PIK3C2A: variants seen among roughly 807,000 people sequenced by gnomAD.
PIK3C2A encodes phosphatidylinositol-4-phosphate 3-kinase catalytic subunit type 2 alpha.
A neutral mutation model predicts 204.5 loss-of-function variants in PIK3C2A; 97 were observed. The ratio of observed to expected loss-of-function variants is 0.47; its 90% CI spans 0.40 to 0.56. The LOEUF (loss-of-function observed/expected upper bound fraction) is 0.56. Ranked by LOEUF, PIK3C2A falls within the 20% of genes least tolerant of loss-of-function variation. PIK3C2A has a pLI of 0.00. For synonymous variants in PIK3C2A, 653 were observed against 664.4 expected, an observed-to-expected ratio of 0.98 and a Z score of 0.26; for missense variants, 1,735 against 1,969.2, an observed-to-expected ratio of 0.88 and a Z score of 2.25.
intron 1 of PIK3C2A, among the ~76,000 whole-genome samples, chr11:17,192,911 G>A (rs1851990295): frequency 1.3e-5 from 2 of 152,276 alleles, no homozygotes; most frequent in African/African-American, 4.8e-5. Context: ...CATTGTGATA[G>A]TATTAAGAGG....
intron 1 of PIK3C2A, chr11:17,194,447 T>C (rs935743397): frequency 6.1e-6 from 1 of 164,498 alleles, no homozygotes; most frequent in African/African-American, 2.4e-5. Flanking sequence ...AATTGCTAAA[T>C]ACAGGCATCA....
intron 9 of PIK3C2A, among the ~76,000 whole-genome samples, chr11:17,135,677 A>G (rs191543133): frequency 2.0e-5 from 3 of 147,392 alleles, no homozygotes; most frequent in African/African-American, 5.0e-5. Context: ...AATTTCATAT[A>G]TGTGTGTGTG....
intron 13 of PIK3C2A, among the ~76,000 whole-genome samples, chr11:17,124,199 T>TC (rs1849448692): frequency 6.6e-6 from 1 of 152,066 alleles, no homozygotes; most frequent in South Asian, 2.1e-4. Context: ...CACCCTTACT[T>TC]CCAACTAGAC....
intron 22 of PIK3C2A, among the ~76,000 whole-genome samples, chr11:17,106,151 CCT>C (rs1848809346): frequency 6.7e-6 from 1 of 149,270 alleles, no homozygotes; most frequent in African/African-American, 2.5e-5. Context: ...GTGGCTCATA[CCT>C]GTAATTCCAG....
Position 17,188,803 on chromosome 11 carries a change from G to T in PIK3C2A, c.-65-18997C>A, listed in dbSNP as rs1372064014. On this transcript the variant is annotated intron_variant, in intron 1 of 32. Coordinates refer to ENST00000691414, the MANE Select transcript of PIK3C2A (RefSeq NM_002645.4). ...GCAGTTATCTTCCAAAGGAGGATTG[G>T]CAAGTGGCAGACAGAAATCCATCTG... Among the ~76,000 whole-genome samples the T allele has an allele frequency of 2.0e-5, 3 of 146,996 alleles. 1 individual carries two copies. The highest frequency in any genetic ancestry group is 8.2e-5 in the African/African-American group (3 of 36,592).
chr11:17,126,423 G>GT (rs1479672588), intron 13 of PIK3C2A, among the ~76,000 whole-genome samples: 2 of 152,120 alleles, frequency 1.3e-5, no homozygotes, highest in Non-Finnish European at 2.9e-5. Context: ...GAACTCATTT[G>GT]TTATTAAGGC....
chr11:17,150,586 T>C lies in PIK3C2A; in HGVS notation c.1239A>G (p.Ala413=), dbSNP rs2302511. ...NPGYLLSPVT[A]QRNICGENAS... is the part of the protein sequence containing the mutation. ...CATTTTCTCCGCATATGTTTCTTTG[T>C]GCTGTGACTGGACTTAACAAATAGC... is the stretch of plus-strand genomic sequence containing the variant. The change falls in exon 4 of 33, where the codon GCA becomes GCG. Residue 413 remains alanine (A), a synonymous_variant. Coordinates refer to ENST00000691414, the MANE Select transcript of PIK3C2A (RefSeq NM_002645.4). 0.97 allele frequency: 1,563,339 copies of C among 1,611,650 alleles called. 762,661 individuals carry two copies. Among genetic ancestry groups the C allele is most frequent in the Non-Finnish European group, 1 (1,173,637 of 1,178,754 alleles).
chr11:17,110,629 A>G lies in PIK3C2A; in HGVS notation c.3415-68T>C. On this transcript the variant is annotated intron_variant, in intron 21 of 32. Coordinates refer to ENST00000691414, the MANE Select transcript of PIK3C2A (RefSeq NM_002645.4). ...AGACTTAACAGATTACATACTATGA[A>G]AGCTGTAATCCCAGCACTTTGGGAG... The G allele has an allele frequency of 4.2e-6, 6 of 1,441,288 alleles. No homozygotes were observed. The South Asian group carries it at 5.2e-5, about 12-fold the overall frequency. 89.3% of individuals were successfully genotyped at this position (1,441,288 alleles called of 1,614,324 possible).
rs1465289214 is a variant in PIK3C2A, at chr11:17,129,308, G to A, written c.2391C>T (p.Asp797=). 6.2e-7 allele frequency: 1 copy of A among 1,613,144 alleles called. No homozygotes were observed. The highest frequency in any genetic ancestry group is 8.5e-7 in the Non-Finnish European group (1 of 1,179,420). Residue 797 remains aspartate, a synonymous_variant, in exon 13 of 33, where the codon GAC becomes GAT. Transcript: ENST00000691414. ...ALGKVSLPLF[D]FKRFLTCGTK... ...AATTCGGTAATACTTACCGTTTAAA[G>A]TCAAAAAGAGGTAAAGAAACTTTGC...
chr11:17,155,082 G>A (rs574691870), intron 3 of PIK3C2A, among the ~76,000 whole-genome samples: 1 of 152,292 alleles, frequency 6.6e-6, no homozygotes, highest in South Asian at 2.1e-4. Flanking sequence ...AAGATTGAGA[G>A]AACATTCTAT....
chr11:17,114,569 ACGGTG>A, intron 19 of PIK3C2A, 104 bp from the exon 20 acceptor site: 3 of 596,244 alleles, frequency 5.0e-6, no homozygotes, highest in Admixed American at 2.6e-5. Context: ...CAGTTGTCAA[ACGGTG>A]AAAAAAAGGT....
At chr11:17,163,321 AAAAC>A (rs1382895951) in intron 2 of PIK3C2A, among the ~76,000 whole-genome samples, 2 of 152,204 alleles carry the variant, frequency 1.3e-5, no homozygotes, top group Admixed American at 6.5e-5. Flanking sequence ...AAAACAAACA[AAAAC>A]AAACAAACAA....
chr11:17,114,409 G>A lies in PIK3C2A; in HGVS notation c.3273C>T (p.Cys1091=), dbSNP rs1849110553. The A allele has an allele frequency of 3.1e-6, 5 of 1,598,010 alleles. No individual in the cohort carries two copies. The South Asian group carries it at 4.4e-5, about 14-fold the overall frequency. Residue 1091 remains cysteine, a synonymous_variant, in exon 20 of 33, where the codon TGC becomes TGT. Transcript: ENST00000691414. ...CTAGACTTGGCTTGAGAGGGAGACGGCATTTATTTTTCTGAAAAAAGGACT... is the reference window on the plus strand; with the variant it reads ...CTAGACTTGGCTTGAGAGGGAGACGACATTTATTTTTCTGAAAAAAGGACT... ...RVQSFFQKNK[C]RLPLKPSLVA...
At position 17,165,287 on chromosome 11, in the gene PIK3C2A, G is replaced by A. The variant is rs148631632; in HGVS notation, c.1065+3390C>T. Among the ~76,000 whole-genome samples, 33 of 152,252 alleles carry A rather than the reference G, an allele frequency of 2.2e-4. No individual in the cohort carries two copies. In the East Asian group the frequency reaches 6.4e-3, roughly 29 times the overall value. Reference sequence around the variant, plus strand: ...CAAGGGGGAAAGTTTTGAAAAAACTGGTTATCTTCCCCCTGAAATTCCATA... The same window carrying A: ...CAAGGGGGAAAGTTTTGAAAAAACTAGTTATCTTCCCCCTGAAATTCCATA... On this transcript the variant is annotated intron_variant, in intron 2 of 32. Coordinates refer to ENST00000691414, the MANE Select transcript of PIK3C2A (RefSeq NM_002645.4).
intron 9 of PIK3C2A, among the ~76,000 whole-genome samples, 156 bp from the exon 10 acceptor site, chr11:17,135,315 A>C (rs1312682894): frequency 6.6e-6 from 1 of 152,132 alleles, no homozygotes; most frequent in Non-Finnish European, 1.5e-5. Context: ...AAGAAAGGGA[A>C]AACCACAAAC....
intron 23 of PIK3C2A, among the ~76,000 whole-genome samples, chr11:17,104,438 T>G (rs1164547408): frequency 1.3e-5 from 2 of 152,166 alleles, no homozygotes; most frequent in Non-Finnish European, 2.9e-5. Context: ...TTAAATAATC[T>G]GCATAGGTCA....
intron 19 of PIK3C2A, among the ~76,000 whole-genome samples, 161 bp downstream of exon 19, chr11:17,117,330 T>C (rs1352958848): frequency 6.6e-6 from 1 of 152,236 alleles, no homozygotes; most frequent in Non-Finnish European, 1.5e-5. Context: ...TGTTCCTATA[T>C]ATTTTAAACA....
intron 11 of PIK3C2A, 40 bp from the exon 12 acceptor site, chr11:17,132,078 T>C (rs372300802): frequency 8.2e-7 from 1 of 1,213,756 alleles, no homozygotes; most frequent in Non-Finnish European, 1.2e-6. Flanking sequence ...ATCATGATAA[T>C]ACAAATTAGT....
At chr11:17,101,136 T>C in intron 25 of PIK3C2A, 142 bp downstream of exon 25, 1 of 484,544 alleles carries the variant, frequency 2.1e-6, no homozygotes, top group Non-Finnish European at 3.6e-6. Flanking sequence ...CGGCAGTAAG[T>C]TTAAAATATC....
Sources: allele counts gnomAD v4.1 joint callset (sites outside exome capture counted in the v4.1 genomes callset), GRCh38; gene constraint gnomAD v4.1.1; transcripts MANE v1.5; gene names NCBI Gene and HGNC (gene_info 2026-07-23, HGNC 2026-07-21).